RHOT2: variants seen among roughly 807,000 people sequenced by gnomAD.
RHOT2 encodes ras homolog family member T2.
Under a neutral mutation model 81.6 loss-of-function variants are expected in RHOT2, and 90 were observed. The observed-to-expected ratio is 1.10, with a 90% CI of 0.93 to 1.31. The LOEUF is 1.31. RHOT2 is among the 40% of genes most tolerant of loss of function. RHOT2 has a pLI of 0.00. For synonymous variants in RHOT2, 512 were observed against 370.9 expected (o/e 1.38, Z -4.37); for missense variants, 1,014 against 841.9 (o/e 1.20, Z -2.53).
chr16:669,261 C>T (rs1033519846), intron 4 of RHOT2: 1 of 529,138 alleles, frequency 1.9e-6, no homozygotes, highest in African/African-American at 1.9e-5. Flanking sequence ...GTCTTGCTGA[C>T]CACAGTTATG....
Position 670,833 on chromosome 16 carries a change from C to T in RHOT2, c.640-59C>T, listed in dbSNP as rs72773407. On this transcript the variant is annotated intron_variant, in intron 9 of 18. Transcript: ENST00000315082. ...CTTGAACCTCCGCTGCCGTTAGTGA[C>T]TGGAACGGGTCGTCTCCGGGTGGCT... The T allele has an allele frequency of 9.2e-3, 14,647 of 1,598,940 alleles. 203 individuals are homozygous for T. The highest frequency in any genetic ancestry group is 0.048 in the South Asian group (4,390 of 90,864).
chr16:670,129 A>G lies in RHOT2; in HGVS notation c.283A>G (p.Thr95Ala). ...SEEATIEKIR[T>A]KWIPLVNGGT... is the part of the protein sequence containing the mutation. ...GCCAGGCTTTGCTTTTCAGATTCGA[A>G]CTAAGTGGATCCCACTGGTGAATGG... The change falls in exon 6 of 19, where the codon ACT (threonine) becomes GCT (alanine). Residue 95 changes from threonine (T) to alanine (A), a missense_variant. By Grantham distance (58) the Thr-to-Ala change is moderately conservative (BLOSUM62 0). Transcript: ENST00000315082. 1.3e-6 allele frequency: 2 copies of G among 1,571,180 alleles called. No homozygotes were observed. Among genetic ancestry groups the G allele is most frequent in the Middle Eastern group, 1.7e-4 (1 of 5,874 alleles).
chr16:670,773 G>A lies in RHOT2; in HGVS notation c.639G>A (p.Gln213=), dbSNP rs764509006. The part of the protein sequence containing the change: ...ALSDEELNAF[Q]KSCFGHPLAP... The stretch of plus-strand genomic sequence containing the variant: ...GTGACGAAGAGCTCAACGCTTTCCA[G>A]GTGTGCCCCTGCCCCACCCTCGGTG... Residue 213 remains glutamine, a splice_region_variant and synonymous_variant, in exon 9 of 19, where the codon CAG becomes CAA. Transcript: ENST00000315082. 1 of 1,611,824 alleles carries A rather than the reference G, an allele frequency of 6.2e-7. No individual in the cohort carries two copies. Among genetic ancestry groups the A allele is most frequent in the Non-Finnish European group, 8.5e-7 (1 of 1,179,798 alleles).
chr16:668,910 C>T (rs1253025508), intron 4 of RHOT2: 2 of 542,642 alleles, frequency 3.7e-6, no homozygotes, highest in African/African-American at 2.0e-5. Flanking sequence ...TAACAGGACC[C>T]TTCCCCGCGG....
chr16:668,574 C>T lies in RHOT2; in HGVS notation c.178+5C>T, dbSNP rs770709735. ...CCCACATCGTGGACTACTCAGGTAG[C>T]GGCCGTAGCCTCCCGGGGGCCCGGC... is the stretch of plus-strand genomic sequence containing the variant. On this transcript the variant is annotated splice_donor_5th_base_variant and intron_variant, in intron 3 of 18. Coordinates refer to ENST00000315082, the MANE Select transcript of RHOT2 (RefSeq NM_138769.3). 12 of 1,610,242 alleles carry T rather than the reference C, an allele frequency of 7.5e-6. No homozygotes were observed. Among genetic ancestry groups the T allele is most frequent in the East Asian group, 2.2e-5 (1 of 44,664 alleles).
In RHOT2 at chr16:671,137, G is replaced by T. The variant is rs1448225547; in HGVS notation, c.803G>T (p.Trp268Leu). The T allele has an allele frequency of 6.2e-7, 1 of 1,605,690 alleles. No homozygotes were observed. The highest frequency in any genetic ancestry group is 1.7e-5 in the Admixed American group (1 of 59,186). The change falls in exon 11 of 19, where the codon TGG becomes TTG. Residue 268 changes from tryptophan to leucine, a missense_variant. Transcript: ENST00000315082. Reference sequence around the variant, plus strand: ...CAGCGCGGCCGGCACGAGACCACCTGGACCATCCTGCGGCGCTTCGGCTAC... The same window carrying T: ...CAGCGCGGCCGGCACGAGACCACCTTGACCATCCTGCGGCGCTTCGGCTAC... ...FIQRGRHETTWTILRRFGYSD... is the reference protein window; with the variant it reads ...FIQRGRHETTLTILRRFGYSD...
Position 670,461 on chromosome 16 carries a change from G to C in RHOT2, c.444G>C (p.Ser148=), listed in dbSNP as rs1289489667. 2 of 1,605,468 alleles carry C rather than the reference G, an allele frequency of 1.2e-6. No homozygotes were observed. Among genetic ancestry groups the C allele is most frequent in the Non-Finnish European group, 1.7e-6 (2 of 1,175,976 alleles). The change falls in exon 8 of 19, where the codon TCG becomes TCC. Residue 148 remains serine (S), a synonymous_variant. Transcript: ENST00000315082. ...FPEIETCVEC[S]AKNLRNISEL... ...GGCTGTTCCCACTTTCCCAGTGTTC[G>C]GCCAAGAACCTGAGGAACATCTCAG...
At position 673,939 on chromosome 16, in the gene RHOT2, G is replaced by A; in HGVS notation, c.*333G>A. On this transcript the variant is annotated 3_prime_UTR_variant, in exon 19 of 19. Transcript: ENST00000315082. ...GTGGGAGCTGGTGACCCCAGACCCA[G>A]AATTCTCAGGGCTCTACCCCCCTTT... is the stretch of plus-strand genomic sequence containing the variant. 2 of 536,808 alleles carry A rather than the reference G, an allele frequency of 3.7e-6. No individual in the cohort carries two copies. Among genetic ancestry groups the A allele is most frequent in the Non-Finnish European group, 3.6e-6 (1 of 279,976 alleles). The allele number at this position is 536,808 out of a possible 1,614,324, so 33.3% of individuals were successfully genotyped here.
intron 16 of RHOT2, 52 bp downstream of exon 16, chr16:672,618 C>A (rs2039161402): frequency 6.2e-7 from 1 of 1,610,000 alleles, no homozygotes; most frequent in African/African-American, 1.3e-5. Context: ...CGGGGACACC[C>A]AGGCCTGCCT....
Position 668,588 on chromosome 16 carries a change from CG to C in RHOT2, c.178+24del. On this transcript the variant is annotated intron_variant, in intron 3 of 18. Transcript: ENST00000315082. ...TACTCAGGTAGCGGCCGTAGCCTCC[CG>C]GGGGCCCGGCCCGCAGCGGTCCGGC... The C allele has an allele frequency of 1.2e-6, 2 of 1,610,098 alleles. No individual in the cohort carries two copies. The highest frequency in any genetic ancestry group is 1.1e-5 in the South Asian group (1 of 90,670).
chr16:668,388 G>C lies in RHOT2; in HGVS notation c.73G>C (p.Val25Leu). Residue 25 changes from valine (V) to leucine (L), a missense_variant, in exon 2 of 19, where the codon GTG becomes CTG. Transcript: ENST00000315082. ...VGKTSLILSL[V>L]GEEFPEEVPP... ...GAAGACGTCGCTGATCCTGTCCCTG[G>C]TGGGCGAGGAGTTCCCCGAGGAGGT... 6.8e-7 allele frequency: 1 copy of C among 1,464,000 alleles called. No homozygotes were observed. Among genetic ancestry groups the C allele is most frequent in the East Asian group, 2.6e-5 (1 of 38,440 alleles). 90.7% of individuals were successfully genotyped at this position (1,464,000 alleles called of 1,614,324 possible). A position where few individuals can be genotyped will look rare whatever the true frequency, so the allele number is the denominator to read the frequency against.
chr16:669,948 T>G, intron 5 of RHOT2, 175 bp from the exon 6 acceptor site: 1 of 637,798 alleles, frequency 1.6e-6, no homozygotes, highest in Non-Finnish European at 2.7e-6. Flanking sequence ...GTCAGACAGA[T>G]GAGGCTGCAC....
rs766993284 is a variant in RHOT2 at position 671,774 on chromosome 16, A to G, written c.947A>G (p.His316Arg). ...YQFVQRVFEKHDQDRDGALSP... is the reference protein window; with the variant it reads ...YQFVQRVFEKRDQDRDGALSP... ...TTTGTGCAGAGAGTGTTTGAGAAGCACGACCAGGTGAGAGCATGGCGAGTC... is the reference window on the plus strand; with the variant it reads ...TTTGTGCAGAGAGTGTTTGAGAAGCGCGACCAGGTGAGAGCATGGCGAGTC... Residue 316 changes from histidine (H) to arginine (R), a missense_variant, in exon 12 of 19, where the codon CAC becomes CGC. His to Arg is a conservative substitution (Grantham distance 29, BLOSUM62 0). Coordinates refer to ENST00000315082, the MANE Select transcript of RHOT2 (RefSeq NM_138769.3). 2 of 1,612,190 alleles carry G rather than the reference A, an allele frequency of 1.2e-6. No homozygotes were observed. The highest frequency in any genetic ancestry group is 1.7e-6 in the Non-Finnish European group (2 of 1,179,634).
rs190621848 is a variant in RHOT2, at chr16:669,689, G to C, written c.276+83G>C. On this transcript the variant is annotated intron_variant, in intron 5 of 18. Coordinates refer to ENST00000315082, the MANE Select transcript of RHOT2 (RefSeq NM_138769.3). The stretch of plus-strand genomic sequence containing the variant: ...TGGACCTTCACCCAACCCGTGGCCA[G>C]TGCCATCGCTCACAGCATTTTGGGG... The C allele has an allele frequency of 3.3e-4, 465 of 1,391,608 alleles. 1 individual carries two copies. Among genetic ancestry groups the C allele is most frequent in the Non-Finnish European group, 4.6e-4 (453 of 991,220 alleles). 86.2% of individuals were successfully genotyped at this position (1,391,608 alleles called of 1,614,324 possible).
At chr16:671,261 A>G in intron 11 of RHOT2, 58 bp downstream of exon 11, 1 of 1,503,614 alleles carries the variant, frequency 6.7e-7, no homozygotes, top group East Asian at 2.3e-5. Context: ...CTGACTGCCG[A>G]CTATCTCTCC....
chr16:672,954 C>T lies in RHOT2; in HGVS notation c.1554C>T (p.Pro518=). ...ACCATTACATGGACGGGCAGACCCC[C>T]TGCCTCTTTGTCTCCTCCAAGGCCG... ...YKHHYMDGQT[P]CLFVSSKADL... Residue 518 remains proline (P), a synonymous_variant, in exon 18 of 19, where the codon CCC becomes CCT. Transcript: ENST00000315082. 6.2e-7 allele frequency: 1 copy of T among 1,612,834 alleles called. No homozygotes were observed. Among genetic ancestry groups the T allele is most frequent in the South Asian group, 1.1e-5 (1 of 91,090 alleles).
intron 11 of RHOT2, chr16:671,420 G>A: frequency 3.8e-6 from 2 of 520,636 alleles, no homozygotes; most frequent in Non-Finnish European, 6.8e-6. Context: ...GGGTGGGGGG[G>A]CTGGCCCTTT....
In RHOT2 at chr16:668,356, A is replaced by T; in HGVS notation, c.41A>T (p.Gln14Leu). The T allele has an allele frequency of 7.0e-7, 1 of 1,419,384 alleles. No homozygotes were observed. Among genetic ancestry groups the T allele is most frequent in the Non-Finnish European group, 9.1e-7 (1 of 1,094,130 alleles). The allele number at this position is 1,419,384 out of a possible 1,614,324, so 87.9% of individuals were successfully genotyped here. A position where few individuals can be genotyped will look rare whatever the true frequency, so the allele number is the denominator to read the frequency against. The change falls in exon 2 of 19, where the codon CAG becomes CTG. Residue 14 changes from glutamine (Q) to leucine (L), a missense_variant. Gln to Leu is a moderately radical substitution (Grantham distance 113). Coordinates refer to ENST00000315082, the MANE Select transcript of RHOT2 (RefSeq NM_138769.3). The part of the protein sequence containing the change: ...DVRILLLGEA[Q>L]VGKTSLILSL... ...CTGACCGCCTCGCCCCGCGCAGCCCAGGTGGGGAAGACGTCGCTGATCCTG... is the reference window on the plus strand; with the variant it reads ...CTGACCGCCTCGCCCCGCGCAGCCCTGGTGGGGAAGACGTCGCTGATCCTG...
rs770749425 is a variant in RHOT2, at chr16:670,442, T to TC, written c.439-11dup. The TC allele has an allele frequency of 1.9e-6, 3 of 1,605,556 alleles. No individual in the cohort carries two copies. In the African/African-American group the frequency reaches 4.0e-5, roughly 21 times the overall value. ...CCTCGGGGCACTTCCCTGAGGCTGT[T>TC]CCCACTTTCCCAGTGTTCGGCCAAG... On this transcript the variant is annotated splice_polypyrimidine_tract_variant and intron_variant, in intron 7 of 18. Coordinates refer to ENST00000315082, the MANE Select transcript of RHOT2 (RefSeq NM_138769.3).
Sources: allele counts gnomAD v4.1 joint callset, GRCh38; gene constraint gnomAD v4.1.1; transcripts MANE v1.5; gene names NCBI Gene and HGNC (gene_info 2026-07-23, HGNC 2026-07-21).